The following GRIN2C variants were observed in gnomAD, a reference collection of about 807,000 sequenced individuals.
The protein encoded by GRIN2C is glutamate ionotropic receptor NMDA type subunit 2C.
A neutral mutation model predicts 77.7 loss-of-function variants in GRIN2C; 64 were observed. The ratio of observed to expected loss-of-function variants is 0.82; its 90% CI spans 0.67 to 1.01. The LOEUF is 1.01. Ranked by LOEUF, GRIN2C falls within the 50% of genes least tolerant of loss-of-function variation. The probability of loss-of-function intolerance (pLI) is 0.00; values close to 1 mark genes in which losing one functional copy is unlikely to be tolerated. For missense variants in GRIN2C, 1,549 were observed against 1,486.0 expected, an observed-to-expected ratio of 1.04 and a Z score of -0.70; for synonymous variants, 792 against 643.4, an observed-to-expected ratio of 1.23 and a Z score of -3.49.
rs117379866 is a variant in GRIN2C, at chr17:74,850,952, C to T, written c.1114-185G>A. 3.3e-4 allele frequency: 199 copies of T among 607,788 alleles called. 1 individual carries two copies. Among genetic ancestry groups the T allele is most frequent in the Middle Eastern group, 8.8e-4 (2 of 2,278 alleles). The allele number at this position is 607,788 out of a possible 1,614,324, so 37.6% of individuals were successfully genotyped here. A position where few individuals can be genotyped will look rare whatever the true frequency, so the allele number is the denominator to read the frequency against. On this transcript the variant is annotated intron_variant, in intron 4 of 12. Transcript: ENST00000293190. This position sits in a 1 kb window ranked among gnomAD's most constrained non-coding sequence, Gnocchi z 5.3. Reference sequence around the variant, plus strand: ...TGTGTTCATACAGCTCCACACTGACCCACAGCATCTTCCTAAAGCCCAGAC... The same window carrying T: ...TGTGTTCATACAGCTCCACACTGACTCACAGCATCTTCCTAAAGCCCAGAC...
In GRIN2C at chr17:74,847,370, G is replaced by T; in HGVS notation, c.1939C>A (p.Leu647Met). The change falls in exon 9 of 13, where the codon CTG (leucine) becomes ATG (methionine). Residue 647 changes from leucine to methionine, a missense_variant. Physicochemically the swap from Leu to Met is conservative, Grantham distance 15. Coordinates refer to ENST00000293190, the MANE Select transcript of GRIN2C (RefSeq NM_000835.6). This position sits in a 1 kb window ranked among gnomAD's most constrained non-coding sequence, Gnocchi z 5.2. ...VIFLASYTAN[L>M]AAFMIQEQYI... is the part of the protein sequence containing the mutation. Reference sequence around the variant, plus strand: ...TGCTCTTGGATCATGAAGGCGGCCAGGTTGGCCGTGTAGCTGGCGAGGAAG... The same window carrying T: ...TGCTCTTGGATCATGAAGGCGGCCATGTTGGCCGTGTAGCTGGCGAGGAAG... 1 of 1,610,476 alleles carries T rather than the reference G, an allele frequency of 6.2e-7. No individual in the cohort carries two copies. The highest frequency in any genetic ancestry group is 1.1e-5 in the South Asian group (1 of 91,020).
chr17:74,850,278 G>A lies in GRIN2C; in HGVS notation c.1419C>T (p.Tyr473=), dbSNP rs746853533. The change falls in exon 6 of 13, where the codon TAC becomes TAT. Residue 473 remains tyrosine, a synonymous_variant. Transcript: ENST00000293190. The surrounding 1 kb of genome is among the most constrained non-coding windows in gnomAD (Gnocchi z 5.3). ...KKLARVVKFS[Y]DLYLVTNGKH... ...TGCCGTTGGTCACCAGGTACAGGTCGTAGGAGAATTTGACCACTCTGGCCA... is the reference window on the plus strand; with the variant it reads ...TGCCGTTGGTCACCAGGTACAGGTCATAGGAGAATTTGACCACTCTGGCCA... 3.0e-5 allele frequency: 48 copies of A among 1,613,740 alleles called. No individual in the cohort carries two copies. Among genetic ancestry groups the A allele is most frequent in the East Asian group, 2.7e-4 (12 of 44,886 alleles).
Position 74,847,587 on chromosome 17 carries a change from A to AAGGGCTC in GRIN2C, c.1772-57_1772-51dup. 1 of 1,367,212 alleles carries AAGGGCTC rather than the reference A, an allele frequency of 7.3e-7. No individual in the cohort carries two copies. The highest frequency in any genetic ancestry group is 1.0e-6 in the Non-Finnish European group (1 of 974,830). 84.7% of individuals were successfully genotyped at this position (1,367,212 alleles called of 1,614,324 possible). A position where few individuals can be genotyped will look rare whatever the true frequency, so the allele number is the denominator to read the frequency against. Reference sequence around the variant, plus strand: ...CTGGAGCTCCTCCTGCCCACCATGAAAGGGCTCAGGGCTCAGCCCACCCGA... The same window carrying AAGGGCTC: ...CTGGAGCTCCTCCTGCCCACCATGAAAGGGCTCAGGGCTCAGGGCTCAGCCCACCCGA... On this transcript the variant is annotated intron_variant, in intron 8 of 12. Coordinates refer to ENST00000293190, the MANE Select transcript of GRIN2C (RefSeq NM_000835.6). The surrounding 1 kb of genome is among the most constrained non-coding windows in gnomAD (Gnocchi z 5.2).
chr17:74,843,489 T>C lies in GRIN2C; in HGVS notation c.2648A>G (p.Asp883Gly). ...LASPPRQASP[D>G]LTASSAQASV... is the part of the protein sequence containing the mutation. Reference sequence around the variant, plus strand: ...GGCCTGGGCCGAGCTGGCCGTGAGGTCCGGGCTGGCCTGCCGCGGTGGGCT... The same window carrying C: ...GGCCTGGGCCGAGCTGGCCGTGAGGCCCGGGCTGGCCTGCCGCGGTGGGCT... The change falls in exon 13 of 13, where the codon GAC becomes GGC. Residue 883 changes from aspartate to glycine, a missense_variant. Asp to Gly is a moderately conservative substitution (Grantham distance 94, BLOSUM62 -1). This residue lies in a region of GRIN2C where 450 missense variants were observed against 267.9 expected (regional missense o/e 1.68). Coordinates refer to ENST00000293190, the MANE Select transcript of GRIN2C (RefSeq NM_000835.6). 1 of 1,533,788 alleles carries C rather than the reference T, an allele frequency of 6.5e-7. No individual in the cohort carries two copies. Among genetic ancestry groups the C allele is most frequent in the Non-Finnish European group, 8.7e-7 (1 of 1,146,364 alleles).
chr17:74,847,484 G>A lies in GRIN2C; in HGVS notation c.1825C>T (p.Leu609=). Residue 609 remains leucine (L), a synonymous_variant, in exon 9 of 13, where the codon CTG becomes TTG. Coordinates refer to ENST00000293190, the MANE Select transcript of GRIN2C (RefSeq NM_000835.6). The surrounding 1 kb of genome is among the most constrained non-coding windows in gnomAD (Gnocchi z 5.2). ...ATGGGCACTGAGTTGTTGAAGACCA[G>A]CGCCCACAGCAGCCACACGGACTTG... ...IGKSVWLLWA[L]VFNNSVPIEN... 6.2e-7 allele frequency: 1 copy of A among 1,613,944 alleles called. No individual in the cohort carries two copies. Among genetic ancestry groups the A allele is most frequent in the Non-Finnish European group, 8.5e-7 (1 of 1,180,018 alleles).
At position 74,850,629 on chromosome 17, in the gene GRIN2C, T is replaced by C. The variant is rs146118288; in HGVS notation, c.1252A>G (p.Ser418Gly). Residue 418 changes from serine (S) to glycine (G), a missense_variant, in exon 5 of 13, where the codon AGC becomes GGC. Physicochemically the swap from Ser to Gly is moderately conservative, Grantham distance 56. Around this residue, in one of 3 missense-constraint regions of GRIN2C, gnomAD observed 717 missense variants for 858.1 expected, o/e 0.84. Transcript: ENST00000293190. This position sits in a 1 kb window ranked among gnomAD's most constrained non-coding sequence, Gnocchi z 5.3. Reference sequence around the variant, plus strand: ...CAGCCTCCTGTGCCAGGGTCAGGGCTCTCCACGATGACAAAGGGCCGCTCT... The same window carrying C: ...CAGCCTCCTGTGCCAGGGTCAGGGCCCTCCACGATGACAAAGGGCCGCTCT... ...LEERPFVIVESPDPGTGGCVP... is the reference protein window; with the variant it reads ...LEERPFVIVEGPDPGTGGCVP... 7.3e-5 allele frequency: 118 copies of C among 1,613,466 alleles called. No homozygotes were observed. The African/African-American group carries it at 1.4e-3, about 20-fold the overall frequency.
rs754644619 is a variant in GRIN2C at position 74,850,519 on chromosome 17, C to T, written c.1325+37G>A. 4.4e-6 allele frequency: 7 copies of T among 1,599,434 alleles called. No homozygotes were observed. Among genetic ancestry groups the T allele is most frequent in the Non-Finnish European group, 6.0e-6 (7 of 1,167,698 alleles). Reference sequence around the variant, plus strand: ...GACACCTGACCATCACACGGCAGCACCCAGCTCACACTAGCCTCCCAGGGC... The same window carrying T: ...GACACCTGACCATCACACGGCAGCATCCAGCTCACACTAGCCTCCCAGGGC... On this transcript the variant is annotated intron_variant, in intron 5 of 12. Transcript: ENST00000293190. The surrounding 1 kb of genome is among the most constrained non-coding windows in gnomAD (Gnocchi z 5.3).
Position 74,846,250 on chromosome 17 carries a change from C to T in GRIN2C, c.2166G>A (p.Lys722=), listed in dbSNP as rs749941720. The T allele has an allele frequency of 3.1e-6, 5 of 1,613,952 alleles. No homozygotes were observed. Among genetic ancestry groups the T allele is most frequent in the South Asian group, 2.2e-5 (2 of 91,074 alleles). ...EDALTSLKMG[K]LDAFIYDAAV... Reference sequence around the variant, plus strand: ...CAGCATCATAGATGAAGGCATCCAGCTTCCTGGGGACAGGCTGAGCCTCAG... The same window carrying T: ...CAGCATCATAGATGAAGGCATCCAGTTTCCTGGGGACAGGCTGAGCCTCAG... The change falls in exon 11 of 13, where the codon AAG becomes AAA. Residue 722 remains lysine, a synonymous_variant. Transcript: ENST00000293190. The surrounding 1 kb of genome is among the most constrained non-coding windows in gnomAD (Gnocchi z 4.4).
At chr17:74,860,829 A>C (rs2037933528), upstream of GRIN2C, 1 of 288,824 alleles carries the variant, frequency 3.5e-6, no homozygotes, top group Non-Finnish European at 6.8e-6. Flanking sequence ...TGGAAGGGGA[A>C]GAAGCGGGAC....
In GRIN2C at chr17:74,850,796, G is replaced by C; in HGVS notation, c.1114-29C>G. ...TGGAGGGTGACAGCCTCAGCCTGGG[G>C]CCTCCAGCCCTACAGCCCCCACCCT... On this transcript the variant is annotated intron_variant, in intron 4 of 12. Transcript: ENST00000293190. The surrounding 1 kb of genome is among the most constrained non-coding windows in gnomAD (Gnocchi z 5.3). 6.4e-7 allele frequency: 1 copy of C among 1,570,418 alleles called. No individual in the cohort carries two copies. The highest frequency in any genetic ancestry group is 1.1e-5 in the South Asian group (1 of 88,564).
chr17:74,846,923 G>C lies in GRIN2C; in HGVS notation c.2002-3C>G. On this transcript the variant is annotated splice_region_variant and splice_polypyrimidine_tract_variant and intron_variant, in intron 9 of 12. Coordinates refer to ENST00000293190, the MANE Select transcript of GRIN2C (RefSeq NM_000835.6). This position sits in a 1 kb window ranked among gnomAD's most constrained non-coding sequence, Gnocchi z 4.4. ...TACTGATCTTGAGGCCGCTGAAACTGCAGGCGGAGGGCAGCAGCCAGTCAC... is the reference window on the plus strand; with the variant it reads ...TACTGATCTTGAGGCCGCTGAAACTCCAGGCGGAGGGCAGCAGCCAGTCAC... 1 of 1,603,856 alleles carries C rather than the reference G, an allele frequency of 6.2e-7. No homozygotes were observed. Among genetic ancestry groups the C allele is most frequent in the Non-Finnish European group, 8.5e-7 (1 of 1,172,954 alleles).
rs966416555 is a variant in GRIN2C, at chr17:74,849,422, C to T, written c.1645+358G>A. On this transcript the variant is annotated intron_variant, in intron 7 of 12. Coordinates refer to ENST00000293190, the MANE Select transcript of GRIN2C (RefSeq NM_000835.6). This position sits in a 1 kb window ranked among gnomAD's most constrained non-coding sequence, Gnocchi z 4.6. ...TCACCCAGGAAGCAACACACCTCTT[C>T]GCACACTACACTCGCTCCTCAACTC... Among the ~76,000 whole-genome samples the T allele has an allele frequency of 2.0e-5, 3 of 152,204 alleles. No individual in the cohort carries two copies. Among genetic ancestry groups the T allele is most frequent in the Admixed American group, 6.5e-5 (1 of 15,286 alleles).
chr17:74,845,936 T>C, intron 11 of GRIN2C, 130 bp downstream of exon 11: 1 of 818,448 alleles, frequency 1.2e-6, no homozygotes, highest in Non-Finnish European at 2.0e-6. Flanking sequence ...CCACCTCAGC[T>C]GCCCCAACCT....
Position 74,846,280 on chromosome 17 carries a change from A to G in GRIN2C, c.2163-27T>C. 6.2e-7 allele frequency: 1 copy of G among 1,607,738 alleles called. No homozygotes were observed. The highest frequency in any genetic ancestry group is 1.1e-5 in the South Asian group (1 of 90,916). On this transcript the variant is annotated intron_variant, in intron 10 of 12. Coordinates refer to ENST00000293190, the MANE Select transcript of GRIN2C (RefSeq NM_000835.6). This position sits in a 1 kb window ranked among gnomAD's most constrained non-coding sequence, Gnocchi z 4.4. ...TGGGGACAGGCTGAGCCTCAGAGCTAGGGACCATATGGGAGGGGAGGGGAC... is the reference window on the plus strand; with the variant it reads ...TGGGGACAGGCTGAGCCTCAGAGCTGGGGACCATATGGGAGGGGAGGGGAC...
At chr17:74,860,450 C>A (rs755449305), upstream of GRIN2C, 1 of 456,738 alleles carries the variant, frequency 2.2e-6, no homozygotes, top group African/African-American at 2.0e-5. Flanking sequence ...CTTGCTCACC[C>A]AGCAGCTCCT....
intron 1 of GRIN2C, 74 bp from the exon 2 acceptor site, chr17:74,855,181 A>T: frequency 8.5e-7 from 1 of 1,175,830 alleles, no homozygotes; most frequent in Non-Finnish European, 1.2e-6. Context: ...GACAGGAGGG[A>T]CAGAGGGACA....
Position 74,854,889 on chromosome 17 carries a change from C to A in GRIN2C, c.204G>T (p.Gly68=). The change falls in exon 2 of 13, where the codon GGG becomes GGT. Residue 68 remains glycine, a synonymous_variant. Coordinates refer to ENST00000293190, the MANE Select transcript of GRIN2C (RefSeq NM_000835.6). The stretch of plus-strand genomic sequence containing the variant: ...GGCTGCTGGGGTTGGTGGTGTTGAC[C>A]CCAACTGTGAGCGGCTGGATCTCCA... The part of the protein sequence containing the change: ...LPLEIQPLTV[G]VNTTNPSSLL... 6.2e-7 allele frequency: 1 copy of A among 1,613,394 alleles called. No individual in the cohort carries two copies. The highest frequency in any genetic ancestry group is 1.1e-5 in the South Asian group (1 of 91,012).
chr17:74,859,729 G>T lies in GRIN2C; in HGVS notation c.-16+15C>A, dbSNP rs2037908011. ...CGGGACGCCCCGCCCCCTCCCCTCC[G>T]CAGCAATCTCTTACACTCGGGCTGT... On this transcript the variant is annotated intron_variant, in intron 1 of 12. Transcript: ENST00000293190. This position sits in a 1 kb window ranked among gnomAD's most constrained non-coding sequence, Gnocchi z 5.9. The T allele has an allele frequency of 6.6e-6, 1 of 151,986 alleles. No homozygotes were observed. The highest frequency in any genetic ancestry group is 1.5e-5 in the Non-Finnish European group (1 of 67,928). The allele number at this position is 151,986 out of a possible 1,614,324, so 9.4% of individuals were successfully genotyped here.
rs1476376501 is a variant in GRIN2C at position 74,843,217 on chromosome 17, C to T, written c.2920G>A (p.Ala974Thr). 2 of 524,688 alleles carry T rather than the reference C, an allele frequency of 3.8e-6. No homozygotes were observed. The highest frequency in any genetic ancestry group is 4.4e-5 in the Admixed American group (1 of 22,526). The allele number at this position is 524,688 out of a possible 1,614,324, so 32.5% of individuals were successfully genotyped here. ...GGGGGGCGGCCCGGGGGCTGCGGAGCCCTGCGCACAAGCGCCGCGCGACCC... is the reference window on the plus strand; with the variant it reads ...GGGGGGCGGCCCGGGGGCTGCGGAGTCCTGCGCACAAGCGCCGCGCGACCC... ...DGGRAALVRR[A>T]PQPPGRPPTP... Residue 974 changes from alanine (A) to threonine (T), a missense_variant, in exon 13 of 13, where the codon GCT becomes ACT. Coordinates refer to ENST00000293190, the MANE Select transcript of GRIN2C (RefSeq NM_000835.6).
Sources: gnomAD v4.1 joint callset for allele counts (sites outside exome capture counted in the v4.1 genomes callset) on GRCh38, gnomAD v4.1.1 for gene constraint, gnomAD v4.1.1 regional missense constraint, Gnocchi (gnomAD v3.1) non-coding constraint, MANE v1.5 for transcripts, NCBI Gene and HGNC (gene_info 2026-07-23, HGNC 2026-07-21) for gene names.